The following CRACDL variants were observed in gnomAD, a reference collection of about 807,000 sequenced individuals.
CRACDL encodes CRACD-like protein.
CRACDL carries 26 observed loss-of-function variants against 70.6 expected under a neutral mutation model. The observed-to-expected ratio is 0.37, with a 90% CI of 0.27 to 0.51. The LOEUF is 0.51. Among genes scored for constraint, CRACDL ranks in the 20% least tolerant of loss-of-function variants. CRACDL has a pLI of 0.94. For missense variants in CRACDL, 1,283 were observed against 1,376.9 expected (o/e 0.93, Z 1.08); for synonymous variants, 618 against 615.2 (o/e 1.00, Z -0.07).
intron 1 of CRACDL, among the ~76,000 whole-genome samples, chr2:98,892,984 G>T (rs143420725): frequency 2.6e-5 from 4 of 152,040 alleles, no homozygotes; most frequent in African/African-American, 9.7e-5. Flanking sequence ...CCTCTCCACC[G>T]CCAGCTCACA....
Position 98,822,967 on chromosome 2 carries a change from G to T in CRACDL, c.1306C>A (p.Pro436Thr). ...SARDGPERSV[P>T]KEAEPTPPVL... ...GGCGGCGTCGGCTCCGCTTCCTTCG[G>T]GACACTGCGTTCTGGCCCGTCGCGA... The change falls in exon 7 of 10, where the codon CCG becomes ACG. Residue 436 changes from proline to threonine, a missense_variant. By Grantham distance (38) the Pro-to-Thr change is conservative. Around this residue, in one of 2 missense-constraint regions of CRACDL, gnomAD observed 921 missense variants for 881.9 expected, o/e 1.04. Transcript: ENST00000397899. This position sits in a 1 kb window ranked among gnomAD's most constrained non-coding sequence, Gnocchi z 4.9. 1.3e-6 allele frequency: 2 copies of T among 1,483,950 alleles called. No individual in the cohort carries two copies. Among genetic ancestry groups the T allele is most frequent in the Non-Finnish European group, 1.8e-6 (2 of 1,119,886 alleles). The allele number at this position is 1,483,950 out of a possible 1,614,324, so 91.9% of individuals were successfully genotyped here.
intron 2 of CRACDL, among the ~76,000 whole-genome samples, chr2:98,845,200 C>CT (rs34635348): frequency 0.12 from 6,827 of 57,564 alleles, 199 homozygotes; most frequent in Middle Eastern, 0.25. Context: ...TCTTCTTCTT[C>CT]TTTTTTTTTT....
chr2:98,893,089 C>T (rs1708020365), intron 1 of CRACDL, among the ~76,000 whole-genome samples: 1 of 152,202 alleles, frequency 6.6e-6, no homozygotes, highest in South Asian at 2.1e-4. Context: ...CAGGTGCCCT[C>T]AGCCTCCAGG....
chr2:98,841,285 ACACT>A (rs1287621284), intron 2 of CRACDL, among the ~76,000 whole-genome samples: 4 of 152,138 alleles, frequency 2.6e-5, no homozygotes, highest in Non-Finnish European at 4.4e-5. Flanking sequence ...TAGTCCACTC[ACACT>A]CACTGTAATT....
chr2:98,854,041 T>C (rs1706591263), intron 1 of CRACDL, among the ~76,000 whole-genome samples: 2 of 152,092 alleles, frequency 1.3e-5, no homozygotes, highest in Admixed American at 6.6e-5. Context: ...ACCAGCACTT[T>C]GGGAGGCCGA....
chr2:98,801,427 A>C (rs918482492), intron 7 of CRACDL, among the ~76,000 whole-genome samples: 6 of 152,222 alleles, frequency 3.9e-5, no homozygotes, highest in East Asian at 1.9e-4. Flanking sequence ...AGCCTCAAAG[A>C]AGCTGTGCCT....
chr2:98,904,407 G>A lies in CRACDL; in HGVS notation c.-11+31531C>T, dbSNP rs561295233. Among the ~76,000 whole-genome samples the A allele has an allele frequency of 5.9e-5, 9 of 152,332 alleles. No homozygotes were observed. The East Asian group carries it at 1.2e-3, about 20-fold the overall frequency. On this transcript the variant is annotated intron_variant, in intron 1 of 9. Coordinates refer to ENST00000397899, the MANE Select transcript of CRACDL (RefSeq NM_207362.3). ...CCTCCAGCAGGGAACCGGCCTTGCC[G>A]TTTGAAGACCTGGATCCTTGTCCCT...
chr2:98,860,332 A>T (rs548502424), intron 1 of CRACDL, among the ~76,000 whole-genome samples: 4 of 152,342 alleles, frequency 2.6e-5, no homozygotes, highest in South Asian at 2.1e-4. Context: ...GGACCTTGCA[A>T]AGTCAAAATA....
intron 1 of CRACDL, among the ~76,000 whole-genome samples, chr2:98,925,908 T>TTTA (rs1708900341): frequency 6.6e-6 from 1 of 152,032 alleles, no homozygotes; most frequent in African/African-American, 2.4e-5. Flanking sequence ...CACACTTTAT[T>TTTA]AATTATTTTA....
At chr2:98,880,531 C>G (rs1352695075) in intron 1 of CRACDL, among the ~76,000 whole-genome samples, 1 of 152,186 alleles carries the variant, frequency 6.6e-6, no homozygotes, top group Non-Finnish European at 1.5e-5. Flanking sequence ...CAGGTGGGCC[C>G]CCCCTTCTCT....
intron 6 of CRACDL, 67 bp downstream of exon 6, chr2:98,826,908 G>GT (rs1284794897): frequency 1.7e-5 from 22 of 1,265,228 alleles, no homozygotes; most frequent in East Asian, 4.9e-5. Context: ...AGGCAGGTTG[G>GT]GGGGGGGCAT....
chr2:98,849,020 T>A (rs1432457773), intron 1 of CRACDL, among the ~76,000 whole-genome samples: 1 of 152,232 alleles, frequency 6.6e-6, no homozygotes, highest in Non-Finnish European at 1.5e-5. Context: ...CAGTGACAGA[T>A]GAGACCCACG....
intron 2 of CRACDL, among the ~76,000 whole-genome samples, chr2:98,845,245 G>C (rs1706208177): frequency 6.7e-6 from 1 of 148,836 alleles, no homozygotes; most frequent in Non-Finnish European, 1.5e-5. Flanking sequence ...TGCCCAGGCT[G>C]GAGTGCAGTG....
intron 1 of CRACDL, among the ~76,000 whole-genome samples, chr2:98,915,649 C>A (rs969506374): frequency 6.6e-6 from 1 of 152,022 alleles, no homozygotes; most frequent in African/African-American, 2.4e-5. Context: ...GACTGCTCTT[C>A]AGAGAGGGTG....
At chr2:98,849,989 G>A (rs993357696) in intron 1 of CRACDL, among the ~76,000 whole-genome samples, 1 of 152,164 alleles carries the variant, frequency 6.6e-6, no homozygotes, top group East Asian at 1.9e-4. Context: ...CACAAGCTGA[G>A]CCCTGCTGTC....
chr2:98,845,716 T>C (rs1454306238), intron 2 of CRACDL, among the ~76,000 whole-genome samples: 1 of 152,218 alleles, frequency 6.6e-6, no homozygotes, highest in Non-Finnish European at 1.5e-5. Context: ...AAATATTTAT[T>C]CAAACATTTA....
intron 1 of CRACDL, among the ~76,000 whole-genome samples, chr2:98,861,676 G>C (rs1309917492): frequency 6.6e-6 from 1 of 152,170 alleles, no homozygotes; most frequent in Non-Finnish European, 1.5e-5. Context: ...GTTTCTGCTA[G>C]TGCAATTGCA....
intron 2 of CRACDL, among the ~76,000 whole-genome samples, chr2:98,839,046 C>A (rs1705912021): frequency 6.6e-6 from 1 of 152,184 alleles, no homozygotes; most frequent in African/African-American, 2.4e-5. Flanking sequence ...ACAGAACTGA[C>A]AGTGGAGGGA....
At chr2:98,933,028 A>G (rs4591390) in intron 1 of CRACDL, among the ~76,000 whole-genome samples, 52,178 of 152,094 alleles carry the variant, frequency 0.34, 9,771 homozygotes, top group African/African-American at 0.49. Context: ...CCGAGCTCAG[A>G]ACAGTAGAAA....
Sources: allele counts gnomAD v4.1 joint callset (sites outside exome capture counted in the v4.1 genomes callset), GRCh38; gene constraint gnomAD v4.1.1; regional missense constraint gnomAD v4.1.1; non-coding constraint Gnocchi (gnomAD v3.1); transcripts MANE v1.5; gene names NCBI Gene and HGNC (gene_info 2026-07-23, HGNC 2026-07-21).